ARHGAP26: variants seen among roughly 807,000 people sequenced by gnomAD.
ARHGAP26 encodes the protein Rho GTPase activating protein 26, also known as rho GTPase-activating protein 26.
ARHGAP26 carries 38 observed loss-of-function variants against 104.8 expected under a neutral mutation model. The observed-to-expected ratio is 0.36, with a 90% confidence interval of 0.28 to 0.48. ARHGAP26 has a LOEUF of 0.48. ARHGAP26 is among the 20% of genes least tolerant of loss of function. The pLI is 0.99. For missense variants in ARHGAP26, 704 were observed against 947.9 expected, an observed-to-expected ratio of 0.74 and a Z score of 3.38; for synonymous variants, 341 against 340.0, an observed-to-expected ratio of 1.00 and a Z score of -0.03.
intron 1 of ARHGAP26, among the ~76,000 whole-genome samples, chr5:142,817,696 T>A (rs1765410126): frequency 6.6e-6 from 1 of 152,170 alleles, no homozygotes; most frequent in South Asian, 2.1e-4. Context: ...CAGCTCAACT[T>A]CAGTGCTGGC....
chr5:143,004,119 A>G (rs1006819262), intron 11 of ARHGAP26, among the ~76,000 whole-genome samples: 3 of 152,056 alleles, frequency 2.0e-5, no homozygotes, highest in Non-Finnish European at 4.4e-5. Context: ...TTATTTGAAC[A>G]TAGTTTGAAC....
intron 20 of ARHGAP26, among the ~76,000 whole-genome samples, chr5:143,157,977 A>G (rs1800707824): frequency 6.6e-6 from 1 of 152,218 alleles, no homozygotes; most frequent in Non-Finnish European, 1.5e-5. Context: ...TAGCAATAAT[A>G]ATAATACCTA....
intron 6 of ARHGAP26, among the ~76,000 whole-genome samples, chr5:142,896,237 A>G (rs1438357220): frequency 6.6e-6 from 1 of 152,244 alleles, no homozygotes; most frequent in Non-Finnish European, 1.5e-5. Context: ...CTTTTGCCAG[A>G]CTTTCTAGAG....
chr5:142,934,796 A>T (rs1765188882), intron 11 of ARHGAP26, among the ~76,000 whole-genome samples: 7 of 143,160 alleles, frequency 4.9e-5, no homozygotes, highest in Non-Finnish European at 6.1e-5. Context: ...GGTTAATTTT[A>T]GTTTCTGTTC....
rs1477848145 is a variant in ARHGAP26 at position 142,821,299 on chromosome 5, GGTTTTT to G, written c.154+50385_154+50390del. On this transcript the variant is annotated intron_variant, in intron 1 of 22. Coordinates refer to ENST00000645722, the MANE Select transcript of ARHGAP26 (RefSeq NM_001135608.3). ...GTTGGCAGGCTTCCTAAGGTAGAGT[GGTTTTT>G]TTTTTTTTTTTTTTTTTTTTTTAAA... Among the ~76,000 whole-genome samples the G allele has an allele frequency of 2.1e-3, 278 of 132,842 alleles. 1 individual carries two copies. The highest frequency in any genetic ancestry group is 8.3e-3 in the African/African-American group (268 of 32,336). The allele number at this position is 132,842 out of a possible 152,430, so 87.1% of individuals were successfully genotyped here.
intron 1 of ARHGAP26, among the ~76,000 whole-genome samples, chr5:142,872,350 C>T (rs1367521902): frequency 6.6e-6 from 1 of 152,184 alleles, no homozygotes; most frequent in East Asian, 1.9e-4. Context: ...CCACCCATAT[C>T]TTATTAAAGC....
At chr5:143,072,672 CAT>C (rs549697629) in intron 17 of ARHGAP26, among the ~76,000 whole-genome samples, 44 of 152,190 alleles carry the variant, frequency 2.9e-4, no homozygotes, top group Admixed American at 1.5e-3. Context: ...TATTCTCACT[CAT>C]GTGGAAACTA....
intron 13 of ARHGAP26, among the ~76,000 whole-genome samples, chr5:143,037,613 C>T (rs1400257268): frequency 1.3e-5 from 2 of 152,174 alleles, no homozygotes; most frequent in Non-Finnish European, 2.9e-5. Flanking sequence ...TGATAACTGA[C>T]ATAATTTGGG....
At chr5:142,849,557 C>A (rs558497107) in intron 1 of ARHGAP26, among the ~76,000 whole-genome samples, 1 of 152,260 alleles carries the variant, frequency 6.6e-6, no homozygotes, top group East Asian at 1.9e-4. Context: ...CCTTCTTTGT[C>A]CTGTGGATCT....
At chr5:143,083,518 GAC>G (rs1425739102) in intron 17 of ARHGAP26, among the ~76,000 whole-genome samples, 2 of 152,284 alleles carry the variant, frequency 1.3e-5, no homozygotes, top group Admixed American at 6.5e-5. Flanking sequence ...GTTGTTTGGA[GAC>G]AGAGTTTCGC....
chr5:143,206,823 G>A lies in ARHGAP26; in HGVS notation c.1989-375G>A, dbSNP rs938776301. 5.9e-5 allele frequency among the ~76,000 whole-genome samples: 9 copies of A among 152,226 alleles called. 1 individual carries two copies. Among genetic ancestry groups the A allele is most frequent in the Non-Finnish European group, 1.2e-4 (8 of 68,052 alleles). ...CCTGAAAAACACTCCCACAAGAGTG[G>A]AAGCTGAAGGCTCGCTATAAGCTAG... On this transcript the variant is annotated intron_variant, in intron 20 of 22. Transcript: ENST00000645722.
At chr5:142,875,348 T>G (rs920658997) in intron 3 of ARHGAP26, among the ~76,000 whole-genome samples, 177 bp downstream of exon 3, 1 of 152,242 alleles carries the variant, frequency 6.6e-6, no homozygotes, top group Admixed American at 6.5e-5. Flanking sequence ...AAAGGATTAC[T>G]CTGGTGGATA....
chr5:142,923,715 C>T (rs1197129925), intron 10 of ARHGAP26, among the ~76,000 whole-genome samples: 5 of 152,144 alleles, frequency 3.3e-5, no homozygotes, highest in African/African-American at 1.2e-4. Flanking sequence ...AATGTAAGAA[C>T]TTATCTGATG....
intron 21 of ARHGAP26, 70 bp downstream of exon 21, chr5:143,207,378 T>G: frequency 1.2e-6 from 2 of 1,614,224 alleles, no homozygotes; most frequent in Non-Finnish European, 1.7e-6. Context: ...CCTCTCTTCA[T>G]GCAGTGTTCA....
Position 142,901,991 on chromosome 5 carries a change from C to T in ARHGAP26, c.654C>T (p.Ala218=), listed in dbSNP as rs1760409743. 1.2e-6 allele frequency: 2 copies of T among 1,613,942 alleles called. No homozygotes were observed. Among genetic ancestry groups the T allele is most frequent in the Non-Finnish European group, 1.7e-6 (2 of 1,179,890 alleles). Residue 218 remains alanine, a synonymous_variant, in exon 7 of 23, where the codon GCC becomes GCT. Transcript: ENST00000645722. ...FTFYHHGYEL[A]KDFGDFKTQL... ...TCTATCACCATGGTTACGAACTGGC[C>T]AAGGATTTCGGGGACTTCAAGACAC... is the stretch of plus-strand genomic sequence containing the variant.
intron 20 of ARHGAP26, among the ~76,000 whole-genome samples, chr5:143,158,108 A>C (rs1025290460): frequency 1.3e-5 from 2 of 152,092 alleles, no homozygotes; most frequent in Non-Finnish European, 2.9e-5. Context: ...CCTTCTTCTT[A>C]TTTGCTCTCA....
intron 17 of ARHGAP26, among the ~76,000 whole-genome samples, chr5:143,071,875 A>T (rs1163326945): frequency 6.6e-6 from 1 of 152,184 alleles, no homozygotes; most frequent in Non-Finnish European, 1.5e-5. Flanking sequence ...ACTGCACTCC[A>T]GCCTGGGCAA....
At chr5:142,779,844 G>C (rs1757143866) in intron 1 of ARHGAP26, among the ~76,000 whole-genome samples, 2 of 152,196 alleles carry the variant, frequency 1.3e-5, no homozygotes, top group South Asian at 4.1e-4. Context: ...CACACTTGTG[G>C]GTCAGGGGTA....
intron 17 of ARHGAP26, among the ~76,000 whole-genome samples, chr5:143,076,877 CTAAGTGCACTGA>C (rs1789110971): frequency 6.7e-6 from 1 of 149,520 alleles, no homozygotes; most frequent in Non-Finnish European, 1.5e-5. Flanking sequence ...CCTCGTATTC[CTAAGTGCACTGA>C]TAGGTGCTTA....
Sources: gnomAD v4.1 joint callset for allele counts (sites outside exome capture counted in the v4.1 genomes callset) on GRCh38, gnomAD v4.1.1 for gene constraint, MANE v1.5 for transcripts, NCBI Gene and HGNC (gene_info 2026-07-23, HGNC 2026-07-21) for gene names.